ZBTB16: variants seen among roughly 807,000 people sequenced by gnomAD.
The protein encoded by ZBTB16 is zinc finger and BTB domain containing 16, also known as zinc finger and BTB domain-containing protein 16.
Under a neutral mutation model 56.8 loss-of-function variants are expected in ZBTB16, and 8 were observed. That is an observed-to-expected ratio of 0.14 (90% CI 0.08 to 0.25). The LOEUF (loss-of-function observed/expected upper bound fraction) is 0.25, where lower values mean the gene tolerates loss of function less well. Ranked by LOEUF, ZBTB16 falls within the 10% of genes least tolerant of loss-of-function variation. ZBTB16 has a pLI of 1.00. For synonymous variants in ZBTB16, 363 were observed against 368.5 expected, an observed-to-expected ratio of 0.98 and a Z score of 0.17; for missense variants, 625 against 903.0, an observed-to-expected ratio of 0.69 and a Z score of 3.95.
chr11:114,172,015 G>T (rs1943350891), intron 3 of ZBTB16, among the ~76,000 whole-genome samples: 1 of 152,238 alleles, frequency 6.6e-6, no homozygotes, highest in Non-Finnish European at 1.5e-5. Context: ...AAGCTGCCCA[G>T]GAGTGTAGAA....
At chr11:114,099,595 C>T (rs911141327) in intron 2 of ZBTB16, among the ~76,000 whole-genome samples, 4 of 152,048 alleles carry the variant, frequency 2.6e-5, no homozygotes, top group African/African-American at 9.7e-5. Flanking sequence ...GCTGGTGAGT[C>T]AATGGTTCTT....
intron 4 of ZBTB16, among the ~76,000 whole-genome samples, chr11:114,236,017 G>T (rs1944582848): frequency 6.6e-6 from 1 of 151,946 alleles, no homozygotes; most frequent in African/African-American, 2.4e-5. Flanking sequence ...CTTTCTACAT[G>T]CATCCCCTTT....
chr11:114,206,044 C>T (rs552026169), intron 4 of ZBTB16, among the ~76,000 whole-genome samples: 2 of 152,262 alleles, frequency 1.3e-5, no homozygotes, highest in East Asian at 3.9e-4. Flanking sequence ...CCACTGGGCC[C>T]CAAATCTTAA....
intron 4 of ZBTB16, among the ~76,000 whole-genome samples, 194 bp from the exon 5 acceptor site, chr11:114,241,973 G>A (rs1454208756): frequency 3.3e-5 from 5 of 152,204 alleles, no homozygotes; most frequent in Admixed American, 2.0e-4. Flanking sequence ...GCTCGGGAAC[G>A]ACGTCGATTT....
intron 2 of ZBTB16, among the ~76,000 whole-genome samples, chr11:114,118,081 G>A (rs1184569205): frequency 3.3e-5 from 5 of 152,166 alleles, no homozygotes; most frequent in African/African-American, 1.2e-4. Context: ...GACCCCAGGT[G>A]TGTGTGTCTG....
chr11:114,209,620 C>T, intron 4 of ZBTB16: 1 of 985,430 alleles, frequency 1.0e-6, no homozygotes, highest in Non-Finnish European at 1.2e-6. Context: ...GGGCTCTCCT[C>T]TGCCTTAGGG....
intron 6 of ZBTB16, among the ~76,000 whole-genome samples, chr11:114,248,057 C>G (rs1041460539): frequency 6.6e-6 from 1 of 152,146 alleles, no homozygotes; most frequent in Non-Finnish European, 1.5e-5. Context: ...GCCACCACGC[C>G]CAGCTAATTT....
rs1479462098 is a variant in ZBTB16, at chr11:114,143,519, G to C, written c.1269-12818G>C. Reference sequence around the variant, plus strand: ...CTCTTGCCTAGTGAAATGTCCTTTTGGAAGTATCAGGTTCCTGCAGGGAGA... The same window carrying C: ...CTCTTGCCTAGTGAAATGTCCTTTTCGAAGTATCAGGTTCCTGCAGGGAGA... On this transcript the variant is annotated intron_variant, in intron 2 of 6. Transcript: ENST00000335953. This position sits in a 1 kb window ranked among gnomAD's most constrained non-coding sequence, Gnocchi z 6.4. Among the ~76,000 whole-genome samples the C allele has an allele frequency of 6.6e-6, 1 of 152,138 alleles. No individual in the cohort carries two copies. Among genetic ancestry groups the C allele is most frequent in the Non-Finnish European group, 1.5e-5 (1 of 68,028 alleles).
chr11:114,203,915 G>C (rs529056523), intron 4 of ZBTB16, among the ~76,000 whole-genome samples: 1 of 152,266 alleles, frequency 6.6e-6, no homozygotes, highest in South Asian at 2.1e-4. Flanking sequence ...TGGTGAAGTA[G>C]TGAGTCCGAC....
At chr11:114,078,269 A>G (rs955649819) in intron 2 of ZBTB16, among the ~76,000 whole-genome samples, 1 of 152,176 alleles carries the variant, frequency 6.6e-6, no homozygotes, top group Admixed American at 6.5e-5. Flanking sequence ...GAAAGGGTGG[A>G]GGTTATCTTT....
chr11:114,148,433 C>CTGTCTGTCTG (rs1390604849), intron 2 of ZBTB16, among the ~76,000 whole-genome samples: 1 of 41,556 alleles, frequency 2.4e-5, no homozygotes, highest in Admixed American at 3.1e-4. Flanking sequence ...CCCTCTCTCT[C>CTGTCTGTCTG]TCTTTCTCTC....
At chr11:114,158,681 T>TA (rs1413204383) in intron 3 of ZBTB16, among the ~76,000 whole-genome samples, 2 of 152,196 alleles carry the variant, frequency 1.3e-5, no homozygotes, top group African/African-American at 2.4e-5. Flanking sequence ...CATAAGCTCT[T>TA]ACAGCCTCAG....
At position 114,113,005 on chromosome 11, in the gene ZBTB16, G is replaced by A. The variant is rs187940249; in HGVS notation, c.1269-43332G>A. Among the ~76,000 whole-genome samples, 367 of 152,142 alleles carry A rather than the reference G, an allele frequency of 2.4e-3. 2 individuals are homozygous for A. Among genetic ancestry groups the A allele is most frequent in the African/African-American group, 8.5e-3 (352 of 41,508 alleles). ...CCAGGCTGATCATGACCACCTGGGCGCTCAAGCCATTCTCCCGCTTAGGCC... is the reference window on the plus strand; with the variant it reads ...CCAGGCTGATCATGACCACCTGGGCACTCAAGCCATTCTCCCGCTTAGGCC... On this transcript the variant is annotated intron_variant, in intron 2 of 6. Coordinates refer to ENST00000335953, the MANE Select transcript of ZBTB16 (RefSeq NM_006006.6).
chr11:114,088,362 C>T (rs919123428), intron 2 of ZBTB16, among the ~76,000 whole-genome samples: 1 of 152,018 alleles, frequency 6.6e-6, no homozygotes, highest in African/African-American at 2.4e-5. Context: ...GGCTGGTCCC[C>T]AACTCCTCGC....
chr11:114,065,980 A>T (rs1591633670), intron 2 of ZBTB16, among the ~76,000 whole-genome samples: 1 of 152,296 alleles, frequency 6.6e-6, no homozygotes, highest in East Asian at 1.9e-4. Context: ...TCTGTCATAA[A>T]CCACGTGCCC....
At chr11:114,136,117 C>T (rs551497380) in intron 2 of ZBTB16, among the ~76,000 whole-genome samples, 1 of 152,328 alleles carries the variant, frequency 6.6e-6, no homozygotes, top group Admixed American at 6.5e-5. Flanking sequence ...GGAATGTTGC[C>T]TGGGGTGCTG....
chr11:114,170,156 A>G (rs1212573875), intron 3 of ZBTB16, among the ~76,000 whole-genome samples: 1 of 152,230 alleles, frequency 6.6e-6, no homozygotes, highest in Non-Finnish European at 1.5e-5. Flanking sequence ...CAAGGCTTAA[A>G]ATTGGATGCG....
chr11:114,103,454 C>T (rs190551549), intron 2 of ZBTB16, among the ~76,000 whole-genome samples: 42 of 152,210 alleles, frequency 2.8e-4, no homozygotes, highest in Middle Eastern at 6.8e-3. Flanking sequence ...AAGTTTTGGT[C>T]GTTGTTTTCT....
chr11:114,097,785 C>G (rs535991075), intron 2 of ZBTB16, among the ~76,000 whole-genome samples: 2 of 152,154 alleles, frequency 1.3e-5, no homozygotes, highest in Admixed American at 6.5e-5. Context: ...CTGAGACATT[C>G]TCTAGTTGAC....
Sources: gnomAD v4.1 joint callset for allele counts (sites outside exome capture counted in the v4.1 genomes callset) on GRCh38, gnomAD v4.1.1 for gene constraint, Gnocchi (gnomAD v3.1) non-coding constraint, MANE v1.5 for transcripts, NCBI Gene and HGNC (gene_info 2026-07-23, HGNC 2026-07-21) for gene names.